Variants in SPATA6 observed in about 807,000 individuals in gnomAD.
SPATA6 encodes the protein spermatogenesis associated 6.
SPATA6 carries 56 observed loss-of-function variants against 65.3 expected under a neutral mutation model. That is an observed-to-expected ratio of 0.86 (90% confidence interval 0.69 to 1.07). SPATA6 has a LOEUF of 1.07. SPATA6 is among the 50% of genes least tolerant of loss of function. SPATA6 has a pLI of 0.00. For missense variants in SPATA6, 590 were observed against 594.8 expected, an observed-to-expected ratio of 0.99 and a Z score of 0.08; for synonymous variants, 199 against 213.2, an observed-to-expected ratio of 0.93 and a Z score of 0.58.
intron 9 of SPATA6, among the ~76,000 whole-genome samples, chr1:48,364,115 T>C (rs1167503297): frequency 6.6e-6 from 1 of 152,192 alleles, no homozygotes; most frequent in Non-Finnish European, 1.5e-5. Flanking sequence ...TCCATGTCCC[T>C]ACAAAGGACA....
At chr1:48,305,671 T>G in intron 12 of SPATA6, 116 bp downstream of exon 12, 1 of 732,320 alleles carries the variant, frequency 1.4e-6, no homozygotes, top group East Asian at 3.0e-5. Flanking sequence ...GAATTTACAG[T>G]TAGAAATAAA....
intron 9 of SPATA6, among the ~76,000 whole-genome samples, chr1:48,382,584 G>A (rs1648811174): frequency 1.6e-5 from 2 of 128,834 alleles, no homozygotes; most frequent in African/African-American, 5.5e-5. Flanking sequence ...GGCCGGAAGG[G>A]GGGCTGACCC....
chr1:48,436,894 T>G, intron 3 of SPATA6: 3 of 1,613,352 alleles, frequency 1.9e-6, no homozygotes, highest in South Asian at 2.2e-5. Flanking sequence ...AGGTGTAGAC[T>G]CTGGAATTGG....
At chr1:48,471,443 G>A (rs2148218524) in intron 1 of SPATA6, among the ~76,000 whole-genome samples, 1 of 152,262 alleles carries the variant, frequency 6.6e-6, no homozygotes, top group South Asian at 2.1e-4. Flanking sequence ...TTCAGTTGTT[G>A]GATGTGAAGA....
chr1:48,365,040 C>A lies in SPATA6; in HGVS notation c.910-5270G>T, dbSNP rs866957200. 6.4e-4 allele frequency among the ~76,000 whole-genome samples: 98 copies of A among 152,100 alleles called. 1 individual carries two copies. The highest frequency in any genetic ancestry group is 6.8e-3 in the Middle Eastern group (2 of 294). ...ATGGCTAGCCAGTTTTCCCAGCACC[C>A]TTTATTAAATAGGGAATCCTTTCCC... On this transcript the variant is annotated intron_variant, in intron 9 of 12. Transcript: ENST00000371847.
the SPATA6 span, among the ~76,000 whole-genome samples, chr1:48,265,082 A>G: frequency 6.6e-6 from 1 of 152,116 alleles, no homozygotes; most frequent in Non-Finnish European, 1.5e-5. Context: ...TGAATCCTTC[A>G]TCATATCTTT....
the SPATA6 span, among the ~76,000 whole-genome samples, chr1:48,264,829 T>C: frequency 9.1e-4 from 139 of 152,354 alleles, 1 homozygote; most frequent in African/African-American, 3.2e-3. Flanking sequence ...AGTAAACATA[T>C]GTGTGCATGA....
At chr1:48,443,004 T>C (rs1655668332) in intron 3 of SPATA6, among the ~76,000 whole-genome samples, 1 of 152,168 alleles carries the variant, frequency 6.6e-6, no homozygotes, top group Non-Finnish European at 1.5e-5. Context: ...AGGAACTCCC[T>C]TCAGGACAGT....
chr1:48,411,271 GTAAA>G (rs1652200643), intron 5 of SPATA6, among the ~76,000 whole-genome samples, 189 bp downstream of exon 5: 1 of 152,122 alleles, frequency 6.6e-6, no homozygotes, highest in South Asian at 2.1e-4. Flanking sequence ...TTACATTGCT[GTAAA>G]TAAATATCTT....
Position 48,411,575 on chromosome 1 carries a change from C to T in SPATA6, c.294G>A (p.Leu98=). 1 of 1,598,616 alleles carries T rather than the reference C, an allele frequency of 6.3e-7. No homozygotes were observed. Among genetic ancestry groups the T allele is most frequent in the Non-Finnish European group, 8.5e-7 (1 of 1,173,188 alleles). The part of the protein sequence containing the change: ...IQLVPPVGET[L]STYDENTRDF... ...CTCGTGTATTTTCGTCATACGTAGA[C>T]AGTGTTTCACCCACTACAAGAAAGA... The change falls in exon 5 of 13, where the codon CTG becomes CTA. Residue 98 remains leucine (L), a synonymous_variant. Coordinates refer to ENST00000371847, the MANE Select transcript of SPATA6 (RefSeq NM_019073.4).
At chr1:48,321,374 A>T (rs1210489865) in intron 11 of SPATA6, among the ~76,000 whole-genome samples, 1 of 152,218 alleles carries the variant, frequency 6.6e-6, no homozygotes, top group Admixed American at 6.5e-5. Context: ...GAGTAGAAGT[A>T]GCTAAACTGA....
intron 9 of SPATA6, among the ~76,000 whole-genome samples, chr1:48,366,732 T>C (rs1647029240): frequency 6.6e-6 from 1 of 152,152 alleles, no homozygotes; most frequent in Non-Finnish European, 1.5e-5. Context: ...TTTGTTGATC[T>C]TTTCAAAAAA....
At chr1:48,430,029 G>T (rs1654254203) in intron 3 of SPATA6, among the ~76,000 whole-genome samples, 2 of 152,120 alleles carry the variant, frequency 1.3e-5, no homozygotes. Flanking sequence ...ACACACTGGG[G>T]AAATCCATGA....
intron 11 of SPATA6, among the ~76,000 whole-genome samples, chr1:48,352,108 T>C (rs1169112755): frequency 6.6e-6 from 1 of 152,196 alleles, no homozygotes; most frequent in Admixed American, 6.6e-5. Context: ...CTCACAATCA[T>C]GGTTAAAGCC....
chr1:48,441,015 G>A (rs1044152025), intron 3 of SPATA6, among the ~76,000 whole-genome samples: 2 of 152,150 alleles, frequency 1.3e-5, no homozygotes, highest in African/African-American at 2.4e-5. Flanking sequence ...GGTTGGGCTT[G>A]TTACCAGTGT....
At chr1:48,282,653 C>T in the SPATA6 span, among the ~76,000 whole-genome samples, 102 of 152,208 alleles carry the variant, frequency 6.7e-4, 1 homozygote, top group Non-Finnish European at 3.2e-4. Flanking sequence ...TCACACCAGT[C>T]AGAATGGTGA....
intron 3 of SPATA6, among the ~76,000 whole-genome samples, chr1:48,447,488 C>T (rs1186706429): frequency 3.3e-5 from 5 of 152,138 alleles, no homozygotes; most frequent in Admixed American, 2.6e-4. Flanking sequence ...CACTGTACTC[C>T]GGCCTTGGTG....
intron 11 of SPATA6, among the ~76,000 whole-genome samples, chr1:48,323,481 T>C (rs940761071): frequency 6.6e-6 from 1 of 152,018 alleles, no homozygotes; most frequent in Non-Finnish European, 1.5e-5. Context: ...GATGAGTTGA[T>C]GGGTGCAGCA....
chr1:48,321,364 G>T (rs1181954690), intron 11 of SPATA6, among the ~76,000 whole-genome samples: 1 of 152,090 alleles, frequency 6.6e-6, no homozygotes, highest in Non-Finnish European at 1.5e-5. Context: ...AATCAAAAAA[G>T]AGTAGAAGTA....
Sources: gnomAD v4.1 joint callset for allele counts (sites outside exome capture counted in the v4.1 genomes callset) on GRCh38, gnomAD v4.1.1 for gene constraint, MANE v1.5 for transcripts, NCBI Gene and HGNC (gene_info 2026-07-23, HGNC 2026-07-21) for gene names.